The following ARNT variants were observed in gnomAD, a reference collection of about 807,000 sequenced individuals.
The protein encoded by ARNT is aryl hydrocarbon receptor nuclear translocator.
ARNT carries 30 observed loss-of-function variants against 105.0 expected under a neutral mutation model. The ratio of observed to expected loss-of-function variants is 0.29; its 90% CI spans 0.21 to 0.39. The LOEUF (loss-of-function observed/expected upper bound fraction) is 0.39, where lower values mean the gene tolerates loss of function less well. Ranked by LOEUF, ARNT falls within the 10% of genes least tolerant of loss-of-function variation. The pLI is 1.00. For missense variants in ARNT, 748 were observed against 978.7 expected (o/e 0.76, Z 3.15); for synonymous variants, 304 against 344.0 (o/e 0.88, Z 1.29).
At position 150,818,026 on chromosome 1, in the gene ARNT, A is replaced by C; in HGVS notation, c.1399T>G (p.Ser467Ala). The stretch of plus-strand genomic sequence containing the variant: ...AGTGTAGGCCGTGGTTCTTGGCTAG[A>C]GTTCCTAGGAAACCAGAGTAGACAG... ...IICTNTNVKN[S>A]SQEPRPTLSN... The change falls in exon 15 of 22, where the codon TCT becomes GCT. Residue 467 changes from serine to alanine, a missense_variant. Ser to Ala is a moderately conservative substitution (Grantham distance 99). Transcript: ENST00000358595. The C allele has an allele frequency of 2.5e-6, 4 of 1,609,012 alleles. No individual in the cohort carries two copies. The highest frequency in any genetic ancestry group is 3.4e-6 in the Non-Finnish European group (4 of 1,177,348).
chr1:150,875,043 G>C (rs934228323), intron 1 of ARNT, among the ~76,000 whole-genome samples: 10 of 152,138 alleles, frequency 6.6e-5, no homozygotes, highest in Admixed American at 6.5e-4. Flanking sequence ...TTCTTAATAA[G>C]AGAAATGCTT....
At chr1:150,830,249 G>T in intron 10 of ARNT, 1 of 310,696 alleles carries the variant, frequency 3.2e-6, no homozygotes, top group Non-Finnish European at 6.0e-6. Context: ...GGGAGGCTGA[G>T]GTGAGAGAAT....
chr1:150,850,876 G>A (rs2102149524), intron 3 of ARNT, among the ~76,000 whole-genome samples: 1 of 150,844 alleles, frequency 6.6e-6, no homozygotes, highest in East Asian at 2.0e-4. Context: ...GAGATGTGGG[G>A]AGCGCCTCTG....
In ARNT at chr1:150,849,141, T is replaced by A. The variant is rs369553658; in HGVS notation, c.183-2834A>T. On this transcript the variant is annotated intron_variant, in intron 3 of 21. Coordinates refer to ENST00000358595, the MANE Select transcript of ARNT (RefSeq NM_001668.4). ...TCGCTTGAACCTGGGAGGCAGAGGTTGCGGTGAGCCGAGATCATACCATTG... is the reference window on the plus strand; with the variant it reads ...TCGCTTGAACCTGGGAGGCAGAGGTAGCGGTGAGCCGAGATCATACCATTG... 2.0e-5 allele frequency among the ~76,000 whole-genome samples: 3 copies of A among 151,880 alleles called. No homozygotes were observed. The East Asian group carries it at 5.8e-4, about 29-fold the overall frequency.
intron 15 of ARNT, among the ~76,000 whole-genome samples, chr1:150,817,670 G>A: frequency 6.6e-6 from 1 of 151,956 alleles, no homozygotes; most frequent in Admixed American, 6.6e-5. Context: ...TTAGCCGGGG[G>A]TGGTGGCAGG....
intron 14 of ARNT, among the ~76,000 whole-genome samples, chr1:150,820,713 A>G (rs908995197): frequency 6.6e-6 from 1 of 152,152 alleles, no homozygotes; most frequent in Non-Finnish European, 1.5e-5. Flanking sequence ...CTGATCAACT[A>G]TCCCAAATCC....
intron 3 of ARNT, among the ~76,000 whole-genome samples, chr1:150,851,220 C>A (rs1290628659): frequency 6.7e-6 from 1 of 148,932 alleles, no homozygotes; most frequent in Non-Finnish European, 1.5e-5. Flanking sequence ...GCCCGGCCAG[C>A]CGCCCCATCC....
At chr1:150,852,668 A>G in intron 3 of ARNT, 94 bp downstream of exon 3, 1 of 1,171,822 alleles carries the variant, frequency 8.5e-7, no homozygotes, top group Non-Finnish European at 1.2e-6. Context: ...TACTCTCCTT[A>G]GACCTAAGGA....
intron 2 of ARNT, among the ~76,000 whole-genome samples, chr1:150,854,589 G>C (rs1234859470): frequency 1.3e-5 from 2 of 151,998 alleles, no homozygotes; most frequent in Non-Finnish European, 2.9e-5. Flanking sequence ...AGCCACTGTG[G>C]CTCACATCTG....
chr1:150,850,963 G>A (rs1413164067), intron 3 of ARNT, among the ~76,000 whole-genome samples: 3 of 145,014 alleles, frequency 2.1e-5, no homozygotes, highest in African/African-American at 5.2e-5. Flanking sequence ...GAGCCCCTCC[G>A]CCCGGCAGCC....
At chr1:150,836,865 A>G (rs958759300) in intron 6 of ARNT, among the ~76,000 whole-genome samples, 1 of 152,138 alleles carries the variant, frequency 6.6e-6, no homozygotes, top group African/African-American at 2.4e-5. Context: ...ATGGGGCGAA[A>G]CTCCATCTTT....
At chr1:150,833,554 C>T (rs1384292843) in intron 8 of ARNT, among the ~76,000 whole-genome samples, 1 of 151,920 alleles carries the variant, frequency 6.6e-6, no homozygotes, top group Non-Finnish European at 1.5e-5. Context: ...AATTTTGTGC[C>T]TCTCCAAGCA....
At chr1:150,838,368 C>A (rs183118427) in intron 6 of ARNT, among the ~76,000 whole-genome samples, 30 of 152,290 alleles carry the variant, frequency 2.0e-4, no homozygotes, top group Admixed American at 2.0e-3. Flanking sequence ...ATTTACATGT[C>A]TGTTTCCACC....
intron 12 of ARNT, among the ~76,000 whole-genome samples, chr1:150,827,225 T>C (rs773796157): frequency 1.3e-5 from 2 of 152,220 alleles, no homozygotes; most frequent in Non-Finnish European, 2.9e-5. Flanking sequence ...AAGTGTATGA[T>C]TTGATGATGT....
At chr1:150,851,619 CG>C (rs1448070717) in intron 3 of ARNT, among the ~76,000 whole-genome samples, 21 of 152,250 alleles carry the variant, frequency 1.4e-4, no homozygotes, top group African/African-American at 5.1e-4. Flanking sequence ...GGATTAAGGG[CG>C]GTGCAAGATG....
chr1:150,870,329 C>T (rs1029137954), intron 1 of ARNT, among the ~76,000 whole-genome samples: 4 of 152,116 alleles, frequency 2.6e-5, no homozygotes, highest in African/African-American at 9.7e-5. Flanking sequence ...TTAGTTTTAT[C>T]CCTTCAAAGG....
chr1:150,810,076 A>T lies in ARNT; in HGVS notation c.*1945T>A, dbSNP rs949411941. ...AAGGAATGATAAAGCCGCAATCAAG[A>T]TCACACAACACAAGAAATTTTACAA... On this transcript the variant is annotated 3_prime_UTR_variant, in exon 22 of 22. Transcript: ENST00000358595. 1 of 230,274 alleles carries T rather than the reference A, an allele frequency of 4.3e-6. No homozygotes were observed. The highest frequency in any genetic ancestry group is 8.6e-6 in the Non-Finnish European group (1 of 115,936). 14.3% of individuals were successfully genotyped at this position (230,274 alleles called of 1,614,324 possible).
chr1:150,830,029 T>C (rs764125240), intron 10 of ARNT, 49 bp from the exon 11 acceptor site: 1 of 1,595,114 alleles, frequency 6.3e-7, no homozygotes, highest in Non-Finnish European at 8.6e-7. Context: ...CCAACTCAAA[T>C]GCCTTCAAAA....
Position 150,871,682 on chromosome 1 carries a change from G to A in ARNT, c.25+4861C>T, listed in dbSNP as rs587598019. On this transcript the variant is annotated intron_variant, in intron 1 of 21. Transcript: ENST00000358595. ...CCCAGCACTTTGGGAGGCCAAGGTGGGCGGATCACCTGAGGTGAGGAGTTC... is the reference window on the plus strand; with the variant it reads ...CCCAGCACTTTGGGAGGCCAAGGTGAGCGGATCACCTGAGGTGAGGAGTTC... Among the ~76,000 whole-genome samples, 155 of 147,758 alleles carry A rather than the reference G, an allele frequency of 1.0e-3. 1 individual carries two copies. The highest frequency in any genetic ancestry group is 3.8e-3 in the African/African-American group (151 of 40,224).
Sources: allele counts gnomAD v4.1 joint callset (sites outside exome capture counted in the v4.1 genomes callset), GRCh38; gene constraint gnomAD v4.1.1; transcripts MANE v1.5; gene names NCBI Gene and HGNC (gene_info 2026-07-23, HGNC 2026-07-21).